RPH3A: variants seen among roughly 807,000 people sequenced by gnomAD.
RPH3A encodes the protein rabphilin 3A.
Under a neutral mutation model 102.2 loss-of-function variants are expected in RPH3A, and 48 were observed. That is an observed-to-expected ratio of 0.47 (90% confidence interval 0.37 to 0.60). The LOEUF (loss-of-function observed/expected upper bound fraction) is 0.60, where lower values mean the gene tolerates loss of function less well. Among genes scored for constraint, RPH3A ranks in the 20% least tolerant of loss-of-function variants. The probability of loss-of-function intolerance (pLI) is 0.00; values close to 1 mark genes in which losing one functional copy is unlikely to be tolerated. For missense variants in RPH3A, 781 were observed against 910.1 expected (o/e 0.86, Z 1.83); for synonymous variants, 310 against 324.3 (o/e 0.96, Z 0.47).
intron 1 of RPH3A, among the ~76,000 whole-genome samples, chr12:112,741,886 C>T (rs1384001745): frequency 6.6e-6 from 1 of 152,068 alleles, no homozygotes; most frequent in Non-Finnish European, 1.5e-5. Flanking sequence ...AGCGATTGTG[C>T]CTCTATAATC....
chr12:112,757,192 A>G (rs2040827901), intron 1 of RPH3A, among the ~76,000 whole-genome samples: 1 of 152,270 alleles, frequency 6.6e-6, no homozygotes, highest in African/African-American at 2.4e-5. Flanking sequence ...TCCCAAATAA[A>G]ACTGGAAAGA....
chr12:112,683,495 GT>G (rs1172330438), intron 1 of RPH3A, among the ~76,000 whole-genome samples: 1 of 152,208 alleles, frequency 6.6e-6, no homozygotes, highest in Non-Finnish European at 1.5e-5. Context: ...GGTGCAGGGA[GT>G]TTATCTGGCA....
At chr12:112,616,596 A>G (rs369494609) in intron 1 of RPH3A, among the ~76,000 whole-genome samples, 1 of 152,190 alleles carries the variant, frequency 6.6e-6, no homozygotes, top group Non-Finnish European at 1.5e-5. Flanking sequence ...CAGTGGGAGG[A>G]TTAAAAAATA....
intron 1 of RPH3A, among the ~76,000 whole-genome samples, chr12:112,699,030 C>T (rs1158534609): frequency 1.3e-5 from 2 of 151,872 alleles, no homozygotes; most frequent in Admixed American, 1.3e-4. Flanking sequence ...AAGTGATCCT[C>T]CTACCTCAGC....
chr12:112,663,628 A>G (rs1375059298), intron 1 of RPH3A, among the ~76,000 whole-genome samples: 1 of 152,102 alleles, frequency 6.6e-6, no homozygotes, highest in African/African-American at 2.4e-5. Context: ...AAGTGCTGGG[A>G]TTACAGGCAT....
At chr12:112,628,531 A>G (rs2039781404) in intron 1 of RPH3A, among the ~76,000 whole-genome samples, 1 of 123,004 alleles carries the variant, frequency 8.1e-6, no homozygotes, top group Admixed American at 1.1e-4. Context: ...GGAGTTGGAG[A>G]CTAGTCTGGG....
intron 2 of RPH3A, among the ~76,000 whole-genome samples, chr12:112,824,488 C>T (rs1042746488): frequency 6.6e-6 from 1 of 152,104 alleles, no homozygotes; most frequent in African/African-American, 2.4e-5. Context: ...GGTGCCTCCC[C>T]CCAACTGCAT....
intron 1 of RPH3A, among the ~76,000 whole-genome samples, chr12:112,624,336 AGAATC>A (rs2039756093): frequency 6.6e-6 from 1 of 151,196 alleles, no homozygotes; most frequent in South Asian, 2.1e-4. Flanking sequence ...GAAAAAAAGA[AGAATC>A]AAATAGACAC....
rs141428889 is a variant in RPH3A at position 112,704,321 on chromosome 12, C to T, written c.-139-87822C>T. Among the ~76,000 whole-genome samples the T allele has an allele frequency of 1.6e-3, 238 of 152,200 alleles. No individual in the cohort carries two copies. The East Asian group carries it at 0.043, about 27-fold the overall frequency. On this transcript the variant is annotated intron_variant, in intron 1 of 21. Coordinates refer to the RPH3A transcript ENST00000543106. ...GGCAGGCTGGTCTCGAACTCCTGAC[C>T]TCAGGTGATCCGCCCACCTCAGCCT...
chr12:112,670,683 G>A (rs1319903474), intron 1 of RPH3A, among the ~76,000 whole-genome samples: 2 of 152,178 alleles, frequency 1.3e-5, no homozygotes, highest in Non-Finnish European at 2.9e-5. Context: ...GGGGCTAGGT[G>A]ATATAGGATG....
At chr12:112,780,465 T>G (rs2041000188) in intron 1 of RPH3A, among the ~76,000 whole-genome samples, 1 of 152,088 alleles carries the variant, frequency 6.6e-6, no homozygotes, top group Non-Finnish European at 1.5e-5. Context: ...TTACCTGTCC[T>G]GTATCCATTC....
chr12:112,879,184 A>G lies in RPH3A; in HGVS notation c.1237A>G (p.Ile413Val). 3 of 1,613,992 alleles carry G rather than the reference A, an allele frequency of 1.9e-6. No homozygotes were observed. Among genetic ancestry groups the G allele is most frequent in the Non-Finnish European group, 2.5e-6 (3 of 1,179,918 alleles). ...DQDNSSLQCT[I>V]IKAKGLKPMD... ...GGACAACAGCTCCCTGCAGTGCACCATCATTAAGGCCAAGGTGGGTGATGG... is the reference window on the plus strand; with the variant it reads ...GGACAACAGCTCCCTGCAGTGCACCGTCATTAAGGCCAAGGTGGGTGATGG... The change falls in exon 14 of 22, where the codon ATC becomes GTC. Residue 413 changes from isoleucine to valine, a missense_variant. Physicochemically the swap from Ile to Val is conservative, Grantham distance 29. This residue lies in a region of RPH3A where 730 missense variants were observed against 810.0 expected (regional missense o/e 0.90). Transcript: ENST00000389385.
chr12:112,875,075 C>G lies in RPH3A; in HGVS notation c.797-9C>G. On this transcript the variant is annotated splice_polypyrimidine_tract_variant and intron_variant, in intron 10 of 21. Coordinates refer to ENST00000389385, the MANE Select transcript of RPH3A (RefSeq NM_001143854.2). ...ACATAATGGCTGTTTTCTTTTCTTTCCTCTGCAGGTTTGAGACGGGCCAAC... is the reference window on the plus strand; with the variant it reads ...ACATAATGGCTGTTTTCTTTTCTTTGCTCTGCAGGTTTGAGACGGGCCAAC... 1 of 1,600,496 alleles carries G rather than the reference C, an allele frequency of 6.2e-7. No individual in the cohort carries two copies. Among genetic ancestry groups the G allele is most frequent in the Admixed American group, 1.7e-5 (1 of 58,432 alleles).
At chr12:112,591,067 C>T (rs2039474014) in intron 1 of RPH3A, among the ~76,000 whole-genome samples, 1 of 152,164 alleles carries the variant, frequency 6.6e-6, no homozygotes. Context: ...ATCCTCCCAC[C>T]TCAGCCTCCT....
chr12:112,687,270 C>A (rs747478759), intron 1 of RPH3A, among the ~76,000 whole-genome samples: 1 of 152,136 alleles, frequency 6.6e-6, no homozygotes, highest in African/African-American at 2.4e-5. Context: ...TATCAAGGAC[C>A]CAGGCTCTTT....
chr12:112,786,290 C>T (rs1411815197), intron 1 of RPH3A, among the ~76,000 whole-genome samples: 1 of 152,220 alleles, frequency 6.6e-6, no homozygotes, highest in Non-Finnish European at 1.5e-5. Context: ...GTGGGCTTCC[C>T]CACGACTGCC....
At chr12:112,691,170 G>A (rs879653622) in intron 1 of RPH3A, among the ~76,000 whole-genome samples, 2 of 152,108 alleles carry the variant, frequency 1.3e-5, no homozygotes, top group African/African-American at 4.8e-5. Context: ...GACTACAGGC[G>A]CCCGCCACCA....
At chr12:112,702,071 A>G (rs961776022) in intron 1 of RPH3A, among the ~76,000 whole-genome samples, 29 of 152,226 alleles carry the variant, frequency 1.9e-4, no homozygotes, top group African/African-American at 6.5e-4. Context: ...ATACCAACTA[A>G]GCTGCCTGTA....
intron 1 of RPH3A, among the ~76,000 whole-genome samples, chr12:112,753,715 G>A (rs2040801330): frequency 6.6e-6 from 1 of 152,218 alleles, no homozygotes; most frequent in Non-Finnish European, 1.5e-5. Flanking sequence ...AGTGAAAAGA[G>A]CAAGGTCTGG....
Sources: allele counts gnomAD v4.1 joint callset (sites outside exome capture counted in the v4.1 genomes callset), GRCh38; gene constraint gnomAD v4.1.1; regional missense constraint gnomAD v4.1.1; transcripts MANE v1.5; gene names NCBI Gene and HGNC (gene_info 2026-07-23, HGNC 2026-07-21).